The following ODAD2 variants were observed in gnomAD, a reference collection of about 807,000 sequenced individuals.
ODAD2 encodes the protein outer dynein arm docking complex subunit 2.
ODAD2 carries 89 observed loss-of-function variants against 106.8 expected under a neutral mutation model. The ratio of observed to expected loss-of-function variants is 0.83; its 90% CI spans 0.70 to 0.99. The LOEUF (loss-of-function observed/expected upper bound fraction) is 0.99. Ranked by LOEUF, ODAD2 falls within the 50% of genes least tolerant of loss-of-function variation. The pLI, the probability that ODAD2 is intolerant of heterozygous loss-of-function variation, is 0.00. For missense variants in ODAD2, 1,168 were observed against 1,238.5 expected (o/e 0.94, Z 0.85); for synonymous variants, 404 against 436.2 (o/e 0.93, Z 0.92).
intron 16 of ODAD2, among the ~76,000 whole-genome samples, chr10:27,917,627 G>T (rs1304972793): frequency 1.3e-5 from 2 of 151,974 alleles, no homozygotes; most frequent in Non-Finnish European, 2.9e-5. Flanking sequence ...CTAAAGAAAG[G>T]TTGACAAACT....
intron 10 of ODAD2, among the ~76,000 whole-genome samples, chr10:27,947,118 G>A (rs971007839): frequency 1.3e-5 from 2 of 152,010 alleles, no homozygotes; most frequent in Non-Finnish European, 2.9e-5. Flanking sequence ...TCCTATCAAG[G>A]AGAAAAGTTA....
chr10:27,923,576 AT>A (rs2133981928), intron 16 of ODAD2, among the ~76,000 whole-genome samples: 1 of 152,276 alleles, frequency 6.6e-6, no homozygotes, highest in East Asian at 1.9e-4. Flanking sequence ...TTCACACAAA[AT>A]AATAAGATAG....
At chr10:27,898,806 T>C (rs931474625) in intron 17 of ODAD2, among the ~76,000 whole-genome samples, 2 of 152,166 alleles carry the variant, frequency 1.3e-5, no homozygotes, top group African/African-American at 4.8e-5. Context: ...ATGTATAACA[T>C]AGTGTGATTC....
chr10:27,905,146 G>T (rs1285133189), intron 17 of ODAD2: 2 of 213,092 alleles, frequency 9.4e-6, no homozygotes, highest in East Asian at 1.1e-4. Flanking sequence ...AAGAGAAAGG[G>T]CCAAGTGATT....
intron 17 of ODAD2, among the ~76,000 whole-genome samples, chr10:27,875,231 C>A (rs370685571): frequency 6.6e-6 from 1 of 152,188 alleles, no homozygotes; most frequent in African/African-American, 2.4e-5. Context: ...CTTCTCTACA[C>A]TGGTTATTCT....
intron 17 of ODAD2, among the ~76,000 whole-genome samples, chr10:27,874,502 C>T (rs2133479527): frequency 6.6e-6 from 1 of 152,214 alleles, no homozygotes; most frequent in Non-Finnish European, 1.5e-5. Flanking sequence ...CCAGCTGTTC[C>T]TTTCCATGTT....
chr10:27,813,126 T>A (rs973920550), intron 19 of ODAD2: 1 of 152,480 alleles, frequency 6.6e-6, no homozygotes, highest in African/African-American at 2.4e-5. Context: ...CTGGCCTCAA[T>A]GCATTTCCAG....
At chr10:27,847,828 CAA>C (rs1341651867) in intron 19 of ODAD2, among the ~76,000 whole-genome samples, 1 of 152,002 alleles carries the variant, frequency 6.6e-6, no homozygotes, top group East Asian at 1.9e-4. Flanking sequence ...ACAATTGCTT[CAA>C]AGAGAATAAA....
At chr10:27,865,603 A>C (rs1172181145) in intron 17 of ODAD2, among the ~76,000 whole-genome samples, 1 of 152,186 alleles carries the variant, frequency 6.6e-6, no homozygotes, top group Non-Finnish European at 1.5e-5. Context: ...TTTGACCCTG[A>C]ACTGTAAGTC....
At chr10:27,827,360 A>G (rs1358254995) in intron 19 of ODAD2, among the ~76,000 whole-genome samples, 1 of 115,122 alleles carries the variant, frequency 8.7e-6, no homozygotes, top group Non-Finnish European at 1.7e-5. Flanking sequence ...TAGCAGACAC[A>G]CACATACACA....
chr10:27,886,224 C>T (rs911244665), intron 17 of ODAD2, among the ~76,000 whole-genome samples: 1 of 150,426 alleles, frequency 6.6e-6, no homozygotes, highest in Non-Finnish European at 1.5e-5. Context: ...ACCAAGACAC[C>T]ACATCCCCTA....
At chr10:27,848,069 T>G (rs951321084) in intron 19 of ODAD2, among the ~76,000 whole-genome samples, 3 of 152,194 alleles carry the variant, frequency 2.0e-5, no homozygotes, top group African/African-American at 4.8e-5. Context: ...TGGAAAAAAC[T>G]ACTTTAAAGT....
chr10:27,873,694 A>C (rs1022067387), intron 17 of ODAD2, among the ~76,000 whole-genome samples: 1 of 152,150 alleles, frequency 6.6e-6, no homozygotes, highest in Non-Finnish European at 1.5e-5. Context: ...CCTGAGTTCT[A>C]GTTTGATTGC....
chr10:27,844,446 C>T (rs756011557), intron 19 of ODAD2, among the ~76,000 whole-genome samples: 29 of 152,094 alleles, frequency 1.9e-4, no homozygotes, highest in Non-Finnish European at 3.4e-4. Flanking sequence ...AGGCTCAGTC[C>T]TTCAGAAAAA....
intron 9 of ODAD2, among the ~76,000 whole-genome samples, chr10:27,964,784 G>T (rs545622138): frequency 6.6e-6 from 1 of 152,038 alleles, no homozygotes; most frequent in South Asian, 2.1e-4. Context: ...TTATTTCTGC[G>T]TTTTCTTGTA....
At chr10:27,952,790 G>A (rs781189804) in intron 10 of ODAD2, among the ~76,000 whole-genome samples, 1 of 152,176 alleles carries the variant, frequency 6.6e-6, no homozygotes, top group Non-Finnish European at 1.5e-5. Flanking sequence ...GAAGGTCCAG[G>A]GTTGAAAACT....
intron 12 of ODAD2, among the ~76,000 whole-genome samples, chr10:27,943,376 G>GT (rs1554816539): frequency 5.3e-5 from 8 of 151,776 alleles, no homozygotes; most frequent in African/African-American, 1.5e-4. Context: ...ATTTCTAGTG[G>GT]TTTTTTTTAA....
intron 17 of ODAD2, among the ~76,000 whole-genome samples, chr10:27,874,884 G>A (rs1291655000): frequency 6.6e-6 from 1 of 152,078 alleles, no homozygotes; most frequent in African/African-American, 2.4e-5. Context: ...TGTATTTCCT[G>A]AATTTGAATG....
chr10:27,949,886 T>C (rs1457060349), intron 10 of ODAD2, among the ~76,000 whole-genome samples: 1 of 152,066 alleles, frequency 6.6e-6, no homozygotes, highest in East Asian at 1.9e-4. Flanking sequence ...ATCAACTTGG[T>C]TCAGGAAAGG....
Sources: gnomAD v4.1 joint callset for allele counts (sites outside exome capture counted in the v4.1 genomes callset) on GRCh38, gnomAD v4.1.1 for gene constraint, MANE v1.5 for transcripts, NCBI Gene and HGNC (gene_info 2026-07-23, HGNC 2026-07-21) for gene names.